The following MGAT4C variants were observed in gnomAD, a reference collection of about 807,000 sequenced individuals.
MGAT4C encodes the protein MGAT4 family member C, also known as alpha-1,3-mannosyl-glycoprotein 4-beta-N-acetylglucosaminyltransferase C.
A neutral mutation model predicts 40.1 loss-of-function variants in MGAT4C; 19 were observed. The observed-to-expected ratio is 0.47, with a 90% confidence interval of 0.33 to 0.70. The LOEUF is 0.70. MGAT4C is among the 30% of genes least tolerant of loss of function. The probability of loss-of-function intolerance (pLI) is 0.02; values close to 1 mark genes in which losing one functional copy is unlikely to be tolerated. For synonymous variants in MGAT4C, 181 were observed against 187.1 expected, an observed-to-expected ratio of 0.97 and a Z score of 0.27; for missense variants, 491 against 563.2, an observed-to-expected ratio of 0.87 and a Z score of 1.30.
intron 1 of MGAT4C, among the ~76,000 whole-genome samples, chr12:86,830,422 G>C (rs1952898599): frequency 6.6e-6 from 1 of 151,674 alleles, no homozygotes; most frequent in South Asian, 2.1e-4. Context: ...GTATTTATCT[G>C]TTTAAGTGTC....
Position 85,972,396 on chromosome 12 carries a change from A to G in MGAT4C, c.*6893T>C, listed in dbSNP as rs999095273. 2 of 151,142 alleles carry G rather than the reference A, an allele frequency of 1.3e-5. No homozygotes were observed. Among genetic ancestry groups the G allele is most frequent in the East Asian group, 3.8e-4 (2 of 5,196 alleles). The allele number at this position is 151,142 out of a possible 1,614,324, so 9.4% of individuals were successfully genotyped here. On this transcript the variant is annotated 3_prime_UTR_variant, in exon 5 of 5. Coordinates refer to ENST00000611864, the MANE Select transcript of MGAT4C (RefSeq NM_001351288.2). ...AACTATTTGTTCATTTTATTAGCAG[A>G]TATCAAATGCCCTTTTGAAAATTGA...
chr12:86,420,419 C>G (rs952383002), intron 3 of MGAT4C, among the ~76,000 whole-genome samples: 1 of 152,006 alleles, frequency 6.6e-6, no homozygotes, highest in African/African-American at 2.4e-5. Flanking sequence ...CTGCATTTTA[C>G]AAGTGTTTAC....
chr12:86,629,753 A>C (rs895151649), intron 2 of MGAT4C, among the ~76,000 whole-genome samples: 7 of 152,170 alleles, frequency 4.6e-5, no homozygotes, highest in Non-Finnish European at 8.8e-5. Context: ...CATTTAAAGC[A>C]GTGTGTAGAG....
chr12:86,544,235 T>C (rs1375987613), intron 2 of MGAT4C, among the ~76,000 whole-genome samples: 3 of 152,206 alleles, frequency 2.0e-5, no homozygotes, highest in African/African-American at 7.2e-5. Flanking sequence ...TAAAATCATA[T>C]TCCTGCATAC....
intron 1 of MGAT4C, among the ~76,000 whole-genome samples, chr12:86,243,838 T>C (rs554025588): frequency 2.4e-4 from 36 of 152,348 alleles, no homozygotes; most frequent in Admixed American, 4.6e-4. Flanking sequence ...TCCATATCAC[T>C]GGCCCAATGA....
chr12:86,422,840 G>A (rs1176136366), intron 3 of MGAT4C, among the ~76,000 whole-genome samples: 1 of 152,096 alleles, frequency 6.6e-6, no homozygotes. Context: ...TGACAAACAA[G>A]TTTTTTTCTG....
At chr12:86,727,749 T>C (rs1381882156) in intron 1 of MGAT4C, among the ~76,000 whole-genome samples, 1 of 152,060 alleles carries the variant, frequency 6.6e-6, no homozygotes, top group Non-Finnish European at 1.5e-5. Flanking sequence ...TTTAAAACTT[T>C]TTATTATTTT....
chr12:86,143,120 G>T (rs1192205698), intron 1 of MGAT4C, among the ~76,000 whole-genome samples: 1 of 152,140 alleles, frequency 6.6e-6, no homozygotes, highest in Non-Finnish European at 1.5e-5. Flanking sequence ...CTGTAAGAAA[G>T]AAATTTGTGT....
intron 2 of MGAT4C, among the ~76,000 whole-genome samples, chr12:86,718,239 T>TAAAC (rs200326062): frequency 1.5e-3 from 236 of 152,332 alleles, no homozygotes; most frequent in African/African-American, 5.5e-3. Context: ...TGTTTTTTTC[T>TAAAC]AAACAAACAA....
At chr12:86,347,537 T>C (rs986007140) in intron 3 of MGAT4C, among the ~76,000 whole-genome samples, 1 of 152,156 alleles carries the variant, frequency 6.6e-6, no homozygotes, top group African/African-American at 2.4e-5. Context: ...GTTCCAAGAG[T>C]ATACATTGTC....
At chr12:86,441,809 A>G (rs1957234407) in intron 2 of MGAT4C, among the ~76,000 whole-genome samples, 1 of 152,006 alleles carries the variant, frequency 6.6e-6, no homozygotes, top group Admixed American at 6.6e-5. Context: ...ATAAACATAC[A>G]TGTGCATGTG....
chr12:86,339,527 T>C (rs2136181948), intron 3 of MGAT4C, among the ~76,000 whole-genome samples: 1 of 152,294 alleles, frequency 6.6e-6, no homozygotes, highest in East Asian at 1.9e-4. Context: ...ATTATTCCAA[T>C]CAAATTTGAT....
chr12:86,596,662 G>A (rs1193602801), intron 2 of MGAT4C, among the ~76,000 whole-genome samples: 1 of 152,106 alleles, frequency 6.6e-6, no homozygotes, highest in Non-Finnish European at 1.5e-5. Context: ...TTGGCTGTAA[G>A]TCTTTTGGCT....
At chr12:86,224,870 A>G (rs575352287) in intron 1 of MGAT4C, among the ~76,000 whole-genome samples, 3 of 152,292 alleles carry the variant, frequency 2.0e-5, no homozygotes, top group Admixed American at 2.0e-4. Context: ...AACTTTGTAC[A>G]TTAAGGAACT....
At chr12:86,612,628 C>T (rs1340515969) in intron 2 of MGAT4C, among the ~76,000 whole-genome samples, 2 of 151,080 alleles carry the variant, frequency 1.3e-5, no homozygotes, top group African/African-American at 4.9e-5. Context: ...GTAGTACCAG[C>T]TCTCAGGAGG....
At chr12:86,438,067 C>T (rs1302378799) in intron 2 of MGAT4C, among the ~76,000 whole-genome samples, 1 of 151,812 alleles carries the variant, frequency 6.6e-6, no homozygotes, top group African/African-American at 2.4e-5. Flanking sequence ...TGTCAAAAGC[C>T]AAGATAGGCT....
chr12:86,486,596 T>C (rs1958024119), intron 2 of MGAT4C, among the ~76,000 whole-genome samples: 3 of 152,130 alleles, frequency 2.0e-5, no homozygotes. Context: ...TCTTGACCTA[T>C]GAAAAGTTTT....
rs116176113 is a variant in MGAT4C, at chr12:86,009,154, A to T, written c.-6-19602T>A. Among the ~76,000 whole-genome samples, 1,024 of 152,266 alleles carry T rather than the reference A, an allele frequency of 6.7e-3. 7 individuals carry two copies. The highest frequency in any genetic ancestry group is 0.023 in the African/African-American group (959 of 41,560). ...AAGGCAATACCCTTCTGAGTACTCT[A>T]TCTAATGACCTGCATATTACAAACT... On this transcript the variant is annotated intron_variant, in intron 2 of 4. Transcript: ENST00000611864.
intron 2 of MGAT4C, among the ~76,000 whole-genome samples, chr12:86,472,897 G>A (rs1358043901): frequency 3.9e-5 from 6 of 152,100 alleles, no homozygotes; most frequent in Non-Finnish European, 5.9e-5. Context: ...TTGTTAGTAC[G>A]GAAGAGAAAT....
Sources: gnomAD v4.1 joint callset for allele counts (sites outside exome capture counted in the v4.1 genomes callset) on GRCh38, gnomAD v4.1.1 for gene constraint, MANE v1.5 for transcripts, NCBI Gene and HGNC (gene_info 2026-07-23, HGNC 2026-07-21) for gene names.